Variants in EXOC3L4 observed in about 807,000 individuals in gnomAD.
The protein encoded by EXOC3L4 is exocyst complex component 3-like protein 4.
A neutral mutation model predicts 69.7 loss-of-function variants in EXOC3L4; 62 were observed. The observed-to-expected ratio is 0.89, with a 90% confidence interval of 0.72 to 1.10. The LOEUF is 1.10. Among genes scored for constraint, EXOC3L4 ranks in the 50% least tolerant of loss-of-function variants. The pLI is 0.00. For synonymous variants in EXOC3L4, 502 were observed against 464.2 expected, an observed-to-expected ratio of 1.08 and a Z score of -1.05; for missense variants, 1,087 against 1,034.8, an observed-to-expected ratio of 1.05 and a Z score of -0.69.
Position 103,102,348 on chromosome 14 carries a change from G to T in EXOC3L4, c.625G>T (p.Ala209Ser). Residue 209 changes from alanine to serine, a missense_variant, in exon 3 of 12, where the codon GCC (alanine) becomes TCC (serine). Transcript: ENST00000688303. Reference sequence around the variant, plus strand: ...GCTGGACAGCGACGGTGTGGACGCGGCCGCGCTGGCCGAGCTGGCCCGCGT... The same window carrying T: ...GCTGGACAGCGACGGTGTGGACGCGTCCGCGCTGGCCGAGCTGGCCCGCGT... The part of the protein sequence containing the change: ...ETLDSDGVDA[A>S]ALAELARVVS... 1 of 1,560,288 alleles carries T rather than the reference G, an allele frequency of 6.4e-7. No individual in the cohort carries two copies. The highest frequency in any genetic ancestry group is 8.6e-7 in the Non-Finnish European group (1 of 1,159,600).
chr14:103,103,807 T>TGTGTGTGC, intron 3 of EXOC3L4, 134 bp from the exon 4 acceptor site: 1 of 589,854 alleles, frequency 1.7e-6, no homozygotes, highest in South Asian at 2.0e-5. Flanking sequence ...CGTGTGTGTG[T>TGTGTGTGC]GTGTGTGTGT....
At chr14:103,105,987 T>G (rs531234736) in intron 7 of EXOC3L4, among the ~76,000 whole-genome samples, 10 of 152,330 alleles carry the variant, frequency 6.6e-5, no homozygotes, top group African/African-American at 1.9e-4. Flanking sequence ...ACCTGCTCCC[T>G]GGGGTGGTGT....
At chr14:103,105,112 G>C (rs775922626) in intron 7 of EXOC3L4, 40 bp downstream of exon 7, 5 of 1,567,254 alleles carry the variant, frequency 3.2e-6, no homozygotes, top group African/African-American at 2.7e-5. Flanking sequence ...AGCGTGGCCA[G>C]CAGGGGGCGC....
rs750319991 is a variant in EXOC3L4 at position 103,100,478 on chromosome 14, T to C, written c.259T>C (p.Phe87Leu). Residue 87 changes from phenylalanine to leucine, a missense_variant, in exon 2 of 12, where the codon TTC becomes CTC. Phe to Leu is a conservative substitution (Grantham distance 22). Transcript: ENST00000688303. The stretch of plus-strand genomic sequence containing the variant: ...AAGCTCCTGCTCCCTGTTCCGGTCC[T>C]TCCGGCAAGCCCTGAATGACGGCCC... ...RRSSCSLFRS[F>L]RQALNDGPAT... 5.0e-6 allele frequency: 8 copies of C among 1,613,292 alleles called. No homozygotes were observed. The highest frequency in any genetic ancestry group is 1.3e-5 in the African/African-American group (1 of 74,940).
intron 7 of EXOC3L4, among the ~76,000 whole-genome samples, chr14:103,105,422 G>A (rs531632579): frequency 4.6e-5 from 7 of 151,804 alleles, no homozygotes; most frequent in Admixed American, 1.3e-4. Flanking sequence ...GTGTAGGGGT[G>A]GAGCTGAGTG....
Position 103,104,041 on chromosome 14 carries a change from A to C in EXOC3L4, c.1150A>C (p.Ser384Arg), listed in dbSNP as rs769119664. ...VWARLESDYT[S>R]FLEAKIASCF... ...GGCCCGACTGGAGAGCGACTACACC[A>C]GCTTCCTGGAGGTCAGGCCGGGCGG... is the stretch of plus-strand genomic sequence containing the variant. The change falls in exon 4 of 12, where the codon AGC becomes CGC. Residue 384 changes from serine (S) to arginine (R), a missense_variant. Coordinates refer to ENST00000688303, the MANE Select transcript of EXOC3L4 (RefSeq NM_001077594.2). The C allele has an allele frequency of 1.9e-6, 3 of 1,571,880 alleles. No individual in the cohort carries two copies. The highest frequency in any genetic ancestry group is 1.8e-5 in the Admixed American group (1 of 55,944).
rs1003724604 is a variant in EXOC3L4 at position 103,107,694 on chromosome 14, C to T, written c.1765C>T (p.Arg589Trp). ...REYLARALRP[R>W]ERFRGMERMH... ...GTACCTGGCGCGGGCGCTGAGGCCA[C>T]GGGAGCGGTTCCGGGGCATGGAGCG... is the stretch of plus-strand genomic sequence containing the variant. Residue 589 changes from arginine to tryptophan, a missense_variant, in exon 10 of 12, where the codon CGG becomes TGG. By Grantham distance (101) the Arg-to-Trp change is moderately radical. Transcript: ENST00000688303. 77 of 1,556,072 alleles carry T rather than the reference C, an allele frequency of 4.9e-5. No individual in the cohort carries two copies. The highest frequency in any genetic ancestry group is 6.2e-5 in the Non-Finnish European group (71 of 1,149,132).
intron 7 of EXOC3L4, among the ~76,000 whole-genome samples, chr14:103,106,512 A>G (rs150276490): frequency 3.0e-4 from 46 of 152,304 alleles, no homozygotes; most frequent in Non-Finnish European, 5.0e-4. Context: ...AGGCATGGCT[A>G]TGCCGCACTG....
At chr14:103,100,645 A>G (rs905320870) in intron 2 of EXOC3L4, 32 bp downstream of exon 2, 8 of 1,574,604 alleles carry the variant, frequency 5.1e-6, no homozygotes, top group Admixed American at 3.6e-5. Flanking sequence ...CGAAGCATGA[A>G]AGGAAACGGG....
chr14:103,102,197 G>T lies in EXOC3L4; in HGVS notation c.474G>T (p.Leu158=), dbSNP rs1391196586. The change falls in exon 3 of 12, where the codon CTG becomes CTT. Residue 158 remains leucine, a synonymous_variant. Transcript: ENST00000688303. ...AACAGCTTCTGCGCCTGGAGACGCT[G>T]CTGGTGGCCGAGAAGGCCTCGCGCA... ...AFEQLLRLET[L]LVAEKASRTF... The T allele has an allele frequency of 6.3e-7, 1 of 1,598,686 alleles. No homozygotes were observed. Among genetic ancestry groups the T allele is most frequent in the Admixed American group, 1.7e-5 (1 of 58,324 alleles).
chr14:103,108,214 C>G (rs1190119830), intron 10 of EXOC3L4, among the ~76,000 whole-genome samples, 182 bp from the exon 11 acceptor site: 1 of 152,176 alleles, frequency 6.6e-6, no homozygotes, highest in Non-Finnish European at 1.5e-5. Context: ...CCCATGAGCC[C>G]TCGGTGCCCA....
chr14:103,110,067 A>C lies in EXOC3L4; in HGVS notation c.2013A>C (p.Arg671=). ...TACTGGCCATTCTGGCGCTGCGCCG[A>C]CTGGGCCGCCAGCGGAACCAGCATC... The part of the protein sequence containing the change: ...DHILAILALR[R]LGRQRNQHLL... The change falls in exon 12 of 12, where the codon CGA becomes CGC. Residue 671 remains arginine (R), a synonymous_variant. Coordinates refer to ENST00000688303, the MANE Select transcript of EXOC3L4 (RefSeq NM_001077594.2). The C allele has an allele frequency of 6.2e-7, 1 of 1,601,082 alleles. No individual in the cohort carries two copies. The highest frequency in any genetic ancestry group is 8.5e-7 in the Non-Finnish European group (1 of 1,174,680).
chr14:103,103,113 C>T (rs111915677), intron 3 of EXOC3L4, among the ~76,000 whole-genome samples: 8,782 of 152,178 alleles, frequency 0.058, 324 homozygotes, highest in Middle Eastern at 0.14. Context: ...GCCTGTAATC[C>T]CAGCATTTTG....
At position 103,105,023 on chromosome 14, in the gene EXOC3L4, G is replaced by T; in HGVS notation, c.1417G>T (p.Val473Leu). The T allele has an allele frequency of 6.2e-7, 1 of 1,612,288 alleles. No homozygotes were observed. The highest frequency in any genetic ancestry group is 1.3e-5 in the African/African-American group (1 of 75,032). Residue 473 changes from valine to leucine, a missense_variant, in exon 7 of 12, where the codon GTG (valine) becomes TTG (leucine). Transcript: ENST00000688303. ...FEKAFLASEA[V>L]SEPHLGAYIN... is the part of the protein sequence containing the mutation. The stretch of plus-strand genomic sequence containing the variant: ...AAAGGCTTTTCTGGCGTCGGAGGCG[G>T]TGAGCGAGCCGCACCTGGGCGCCTA...
chr14:103,103,642 C>T (rs1316911048), intron 3 of EXOC3L4: 2 of 366,300 alleles, frequency 5.5e-6, no homozygotes, highest in Non-Finnish European at 4.9e-6. Flanking sequence ...CTCCGTGCTG[C>T]GGGTTGGAGG....
Position 103,102,698 on chromosome 14 carries a change from G to T in EXOC3L4, c.975G>T (p.Gln325His). The T allele has an allele frequency of 6.8e-7, 1 of 1,471,088 alleles. No individual in the cohort carries two copies. The allele number at this position is 1,471,088 out of a possible 1,614,324, so 91.1% of individuals were successfully genotyped here. The change falls in exon 3 of 12, where the codon CAG becomes CAT. Residue 325 changes from glutamine (Q) to histidine (H), a missense_variant. Gln to His is a conservative substitution (Grantham distance 24). Coordinates refer to ENST00000688303, the MANE Select transcript of EXOC3L4 (RefSeq NM_001077594.2). Reference sequence around the variant, plus strand: ...ACAGCGCCGTGGCCCAGCGCCTCCAGGAGCTCGCGCGCGACGCCCGCGGCT... The same window carrying T: ...ACAGCGCCGTGGCCCAGCGCCTCCATGAGCTCGCGCGCGACGCCCGCGGCT... ...AFHSAVAQRLQELARDARGCE... is the reference protein window; with the variant it reads ...AFHSAVAQRLHELARDARGCE...
At chr14:103,100,082 C>T (rs1890085949) in intron 1 of EXOC3L4, 122 bp from the exon 2 acceptor site, 1 of 1,106,260 alleles carries the variant, frequency 9.0e-7, no homozygotes, top group East Asian at 2.6e-5. Flanking sequence ...TTCCTTTTGA[C>T]AGCCTGAGGG....
At chr14:103,103,784 AGAG>A in intron 3 of EXOC3L4, 154 bp from the exon 4 acceptor site, 1 of 458,756 alleles carries the variant, frequency 2.2e-6, no homozygotes. Context: ...ATGGCAGCCT[AGAG>A]GCGCGCGCGC....
At chr14:103,103,812 G>A in intron 3 of EXOC3L4, 129 bp from the exon 4 acceptor site, 1 of 613,666 alleles carries the variant, frequency 1.6e-6, no homozygotes, top group Non-Finnish European at 2.9e-6. Flanking sequence ...GTGTGTGTGT[G>A]TGTGTGTGTG....
Sources: allele counts gnomAD v4.1 joint callset (sites outside exome capture counted in the v4.1 genomes callset), GRCh38; gene constraint gnomAD v4.1.1; transcripts MANE v1.5; gene names NCBI Gene and HGNC (gene_info 2026-07-23, HGNC 2026-07-21).